The following PCDHA2 variants were observed in gnomAD, a reference collection of about 807,000 sequenced individuals.
PCDHA2 encodes the protein protocadherin alpha-2.
Under a neutral mutation model 66.0 loss-of-function variants are expected in PCDHA2, and 58 were observed. The observed-to-expected ratio is 0.88, with a 90% CI of 0.71 to 1.09. The LOEUF (loss-of-function observed/expected upper bound fraction) is 1.09. PCDHA2 is among the 50% of genes least tolerant of loss of function. The probability of loss-of-function intolerance (pLI) is 0.00; values close to 1 mark genes in which losing one functional copy is unlikely to be tolerated. For synonymous variants in PCDHA2, 634 were observed against 554.0 expected (o/e 1.14, Z -2.03); for missense variants, 1,267 against 1,242.3 (o/e 1.02, Z -0.30).
chr5:141,003,151 C>T (rs1554258934), intron 3 of PCDHA2, among the ~76,000 whole-genome samples: 2 of 152,224 alleles, frequency 1.3e-5, no homozygotes, highest in African/African-American at 2.4e-5. Flanking sequence ...AGACTCTGAC[C>T]TGATCAATCC....
chr5:140,829,795 T>A, intron 1 of PCDHA2: 1 of 1,613,722 alleles, frequency 6.2e-7, no homozygotes, highest in Non-Finnish European at 8.5e-7. Context: ...TGCTGGCGCC[T>A]CGGGTGGGTG....
At chr5:140,806,504 C>T (rs1297737368) in intron 1 of PCDHA2, among the ~76,000 whole-genome samples, 2 of 152,204 alleles carry the variant, frequency 1.3e-5, no homozygotes, top group Admixed American at 1.3e-4. Flanking sequence ...TCAAGGAAGA[C>T]ATCTAATTAA....
intron 1 of PCDHA2, chr5:140,802,310 G>C (rs1554122024): frequency 1.2e-6 from 2 of 1,614,220 alleles, no homozygotes; most frequent in Non-Finnish European, 8.5e-7. Context: ...TCATCGCTCT[G>C]ATCAGCGTGT....
intron 1 of PCDHA2, among the ~76,000 whole-genome samples, chr5:140,940,805 A>G (rs957278090): frequency 6.6e-6 from 1 of 152,202 alleles, no homozygotes. Context: ...ATTTGCCAGG[A>G]TATCCTGAGA....
intron 1 of PCDHA2, chr5:140,856,380 G>T: frequency 6.3e-7 from 1 of 1,598,530 alleles, no homozygotes; most frequent in Non-Finnish European, 8.6e-7. Flanking sequence ...ATCGTGGACA[G>T]GCCGCTGCAG....
intron 1 of PCDHA2, among the ~76,000 whole-genome samples, chr5:140,838,656 C>T (rs2150290974): frequency 1.1e-4 from 17 of 151,972 alleles, no homozygotes; most frequent in Admixed American, 2.0e-4. Context: ...TGATAGTTAA[C>T]GGGGCATGGT....
Position 140,849,623 on chromosome 5 carries a change from C to T in PCDHA2, c.2388+52271C>T, listed in dbSNP as rs1554143110. 1.3e-5 allele frequency: 21 copies of T among 1,598,756 alleles called. 2 individuals are homozygous for T. The highest frequency in any genetic ancestry group is 1.5e-5 in the Non-Finnish European group (18 of 1,167,974). ...TTATTGCCCTGATTAGTGTGATCGA[C>T]CTAGACGCAGATGCCAACGGGCAGG... On this transcript the variant is annotated intron_variant, in intron 1 of 3. Transcript: ENST00000526136.
chr5:140,801,203 G>C, intron 1 of PCDHA2: 1 of 1,599,228 alleles, frequency 6.3e-7, no homozygotes, highest in South Asian at 1.1e-5. Flanking sequence ...TTGCAATGTT[G>C]TTCTCCTGGC....
Position 140,980,544 on chromosome 5 carries a change from C to T in PCDHA2, c.2447+1537C>T, listed in dbSNP as rs111386744. 4.0e-3 allele frequency among the ~76,000 whole-genome samples: 611 copies of T among 152,160 alleles called. 1 individual carries two copies. The highest frequency in any genetic ancestry group is 0.013 in the African/African-American group (560 of 41,516). On this transcript the variant is annotated intron_variant, in intron 2 of 3. Coordinates refer to ENST00000526136, the MANE Select transcript of PCDHA2 (RefSeq NM_018905.3). ...ACTAGGGAGGCTGAGGCAGGAGAAT[C>T]GCTTGAACCCGGGAGGCGGAAGTTG...
Position 141,009,816 on chromosome 5 carries a change from G to A in PCDHA2, c.2726G>A (p.Ser909Asn). ...QEPTNSQIDK[S>N]DFITFGKKEE... Reference sequence around the variant, plus strand: ...CCTACTAACAGCCAAATTGACAAAAGTGACTTCATAACCTTCGGCAAAAAG... The same window carrying A: ...CCTACTAACAGCCAAATTGACAAAAATGACTTCATAACCTTCGGCAAAAAG... Residue 909 changes from serine to asparagine, a missense_variant, in exon 4 of 4, where the codon AGT (serine) becomes AAT (asparagine). Ser to Asn is a conservative substitution (Grantham distance 46). Transcript: ENST00000526136. 1 of 1,614,044 alleles carries A rather than the reference G, an allele frequency of 6.2e-7. No homozygotes were observed. Among genetic ancestry groups the A allele is most frequent in the African/African-American group, 1.3e-5 (1 of 74,990 alleles).
intron 1 of PCDHA2, among the ~76,000 whole-genome samples, chr5:140,932,637 T>C (rs1554209011): frequency 6.6e-6 from 1 of 151,870 alleles, no homozygotes; most frequent in African/African-American, 2.4e-5. Context: ...TAAAAAACTT[T>C]AGAATGATGA....
At position 140,943,090 on chromosome 5, in the gene PCDHA2, C is replaced by A. The variant is rs554425182; in HGVS notation, c.2389-35859C>A. On this transcript the variant is annotated intron_variant, in intron 1 of 3. Coordinates refer to ENST00000526136, the MANE Select transcript of PCDHA2 (RefSeq NM_018905.3). The stretch of plus-strand genomic sequence containing the variant: ...TGACCAACATGGTGAAATCCTGCCT[C>A]TACTAAAAAATACAAAAATTAGCCA... Among the ~76,000 whole-genome samples the A allele has an allele frequency of 1.8e-4, 27 of 151,656 alleles. No homozygotes were observed. The South Asian group carries it at 2.5e-3, about 14-fold the overall frequency.
intron 1 of PCDHA2, among the ~76,000 whole-genome samples, chr5:140,905,043 A>T (rs782694794): frequency 1.5e-4 from 23 of 152,126 alleles, no homozygotes; most frequent in Non-Finnish European, 5.9e-5. Flanking sequence ...TAGTTTAATT[A>T]GGTCCCATTT....
At chr5:140,928,685 A>G (rs899513448) in intron 1 of PCDHA2, 36 of 1,614,050 alleles carry the variant, frequency 2.2e-5, no homozygotes, top group Non-Finnish European at 3.1e-5. Context: ...TGGCTTTCCT[A>G]CCACATCTCC....
chr5:140,999,056 C>T (rs1256829495), intron 3 of PCDHA2, among the ~76,000 whole-genome samples: 4 of 152,212 alleles, frequency 2.6e-5, no homozygotes, highest in Non-Finnish European at 5.9e-5. Context: ...TCCACCATGC[C>T]TAAGTAGTCT....
chr5:140,837,077 T>G (rs1350684380), intron 1 of PCDHA2: 3 of 173,170 alleles, frequency 1.7e-5, no homozygotes, highest in Non-Finnish European at 3.7e-5. Context: ...AATCAATACC[T>G]ATAAATGTTA....
chr5:140,997,133 C>G (rs1554255761), intron 3 of PCDHA2, among the ~76,000 whole-genome samples: 1 of 152,092 alleles, frequency 6.6e-6, no homozygotes, highest in Non-Finnish European at 1.5e-5. Flanking sequence ...ACAATGCCCC[C>G]ACACCCCCGC....
intron 1 of PCDHA2, chr5:140,807,310 C>A: frequency 6.2e-7 from 1 of 1,614,114 alleles, no homozygotes; most frequent in Non-Finnish European, 8.5e-7. Context: ...AGGCCAAACA[C>A]GGCACCTTCG....
At position 140,795,823 on chromosome 5, in the gene PCDHA2, T is replaced by C. The variant is rs1232238860; in HGVS notation, c.859T>C (p.Ser287Pro). ...GTATTCACTCGGTAGTGATGTGTCC[T>C]CCACTATACAGACTAAGTTTACCAT... The part of the protein sequence containing the change: ...IVYSLGSDVS[S>P]TIQTKFTIDP... Residue 287 changes from serine (S) to proline (P), a missense_variant, in exon 1 of 4, where the codon TCC becomes CCC. Ser to Pro is a moderately conservative substitution (Grantham distance 74). Coordinates refer to ENST00000526136, the MANE Select transcript of PCDHA2 (RefSeq NM_018905.3). The C allele has an allele frequency of 3.7e-6, 6 of 1,613,276 alleles. No homozygotes were observed. The highest frequency in any genetic ancestry group is 2.2e-5 in the East Asian group (1 of 44,874).
Sources: allele counts gnomAD v4.1 joint callset (sites outside exome capture counted in the v4.1 genomes callset), GRCh38; gene constraint gnomAD v4.1.1; transcripts MANE v1.5; gene names NCBI Gene and HGNC (gene_info 2026-07-23, HGNC 2026-07-21).